The following ZNF385A variants were observed in gnomAD, a reference collection of about 807,000 sequenced individuals.
The protein encoded by ZNF385A is hematopoietic zinc finger protein.
Under a neutral mutation model 32.1 loss-of-function variants are expected in ZNF385A, and 14 were observed. The ratio of observed to expected loss-of-function variants is 0.44; its 90% CI spans 0.29 to 0.68. The LOEUF (loss-of-function observed/expected upper bound fraction) is 0.68, where lower values mean the gene tolerates loss of function less well. ZNF385A is among the 30% of genes least tolerant of loss of function. The pLI, the probability that ZNF385A is intolerant of heterozygous loss-of-function variation, is 0.14. For missense variants in ZNF385A, 406 were observed against 478.4 expected (o/e 0.85, Z 1.41); for synonymous variants, 197 against 202.7 (o/e 0.97, Z 0.24).
upstream of ZNF385A, among the ~76,000 whole-genome samples, chr12:54,387,576 G>A (rs566639927): frequency 2.6e-5 from 4 of 152,248 alleles, no homozygotes; most frequent in East Asian, 7.7e-4. Context: ...TCTCCCAGTA[G>A]GTGGTCCCAC....
At chr12:54,384,324 A>C in intron 1 of ZNF385A, 104 bp downstream of exon 1, 1 of 1,332,734 alleles carries the variant, frequency 7.5e-7, no homozygotes, top group East Asian at 2.8e-5. Context: ...TGGGGTCATA[A>C]GAGGAGATAA....
At chr12:54,382,581 T>C (rs1050901197) in intron 1 of ZNF385A, among the ~76,000 whole-genome samples, 4 of 152,210 alleles carry the variant, frequency 2.6e-5, no homozygotes, top group African/African-American at 9.7e-5. Flanking sequence ...GGAATAATAA[T>C]GTCTACCTTG....
upstream of ZNF385A, chr12:54,385,572 C>G: frequency 1.1e-6 from 1 of 931,960 alleles, no homozygotes; most frequent in Non-Finnish European, 1.3e-6. Flanking sequence ...AAAGGCAAAC[C>G]GAGGAGGCTG....
At chr12:54,388,401 C>G (rs1388487899), upstream of ZNF385A, among the ~76,000 whole-genome samples, 1 of 152,190 alleles carries the variant, frequency 6.6e-6, no homozygotes, top group Non-Finnish European at 1.5e-5. Context: ...TCCTTTCCCT[C>G]TTCCCTAGAA....
chr12:54,390,048 A>T (rs1212828936), intron 1 of ZNF385A, among the ~76,000 whole-genome samples: 2 of 152,044 alleles, frequency 1.3e-5, no homozygotes, highest in Admixed American at 1.3e-4. Flanking sequence ...GAAGGTAAGA[A>T]AGGAAGACAA....
At chr12:54,390,027 G>A (rs975750344) in intron 1 of ZNF385A, among the ~76,000 whole-genome samples, 8 of 152,134 alleles carry the variant, frequency 5.3e-5, no homozygotes, top group Admixed American at 1.3e-4. Flanking sequence ...GGGATAGGCG[G>A]TGAAATGAAA....
At position 54,370,779 on chromosome 12, in the gene ZNF385A, A is replaced by G; in HGVS notation, c.775-58T>C. 1 of 1,583,192 alleles carries G rather than the reference A, an allele frequency of 6.3e-7. No individual in the cohort carries two copies. Among genetic ancestry groups the G allele is most frequent in the South Asian group, 1.1e-5 (1 of 89,372 alleles). ...TCCCGGAAAGGGGCAACAGCGAGGGAGTATAATCAAGCTCCAAGCACCGGC... is the reference window on the plus strand; with the variant it reads ...TCCCGGAAAGGGGCAACAGCGAGGGGGTATAATCAAGCTCCAAGCACCGGC... On this transcript the variant is annotated intron_variant, in intron 5 of 6. Coordinates refer to ENST00000394313, the MANE Select transcript of ZNF385A (RefSeq NM_015481.3). This position sits in a 1 kb window ranked among gnomAD's most constrained non-coding sequence, Gnocchi z 5.5.
rs551038764 is a variant in ZNF385A at position 54,371,056 on chromosome 12, G to A, written c.645C>T (p.Leu215=). The change falls in exon 5 of 7, where the codon CTC becomes CTT. Residue 215 remains leucine (L), a synonymous_variant. Coordinates refer to ENST00000394313, the MANE Select transcript of ZNF385A (RefSeq NM_015481.3). ...GCCGAGGGTAAGCTTTGATGGGCCC[G>A]AGCCCACTTCGGGCCTCCAGAATTG... The part of the protein sequence containing the change: ...HKTILEARSG[L]GPIKAYPRLG... 5 of 1,613,428 alleles carry A rather than the reference G, an allele frequency of 3.1e-6. No individual in the cohort carries two copies. The Admixed American group carries it at 6.7e-5, about 22-fold the overall frequency.
At chr12:54,372,677 T>G (rs1331575194) in intron 3 of ZNF385A, among the ~76,000 whole-genome samples, 1 of 152,212 alleles carries the variant, frequency 6.6e-6, no homozygotes, top group Admixed American at 6.5e-5. Context: ...CCTCTTCCTC[T>G]CCATCTTACA....
At chr12:54,375,812 C>T (rs2137209024) in intron 2 of ZNF385A, 32 bp downstream of exon 2, 2 of 1,597,738 alleles carry the variant, frequency 1.3e-6, no homozygotes, top group East Asian at 2.2e-5. Flanking sequence ...CCTGCCCCAC[C>T]CACTGGGTAG....
At chr12:54,382,626 T>C (rs369509488) in intron 1 of ZNF385A, among the ~76,000 whole-genome samples, 4 of 152,218 alleles carry the variant, frequency 2.6e-5, no homozygotes, top group African/African-American at 9.6e-5. Context: ...AGATTGCAGA[T>C]AGAAACATCT....
exon 1 of ZNF385A, chr12:54,391,286 CG>C (rs1269580613): frequency 1.4e-5 from 14 of 973,826 alleles, no homozygotes; most frequent in Admixed American, 2.0e-4. Context: ...CGCTCTGTCC[CG>C]GGGGCCGTTC....
chr12:54,385,462 C>T (rs1006726180), upstream of ZNF385A, among the ~76,000 whole-genome samples: 17 of 152,300 alleles, frequency 1.1e-4, no homozygotes, highest in African/African-American at 4.1e-4. Context: ...TTCCACTGGC[C>T]CAGCTCCCTT....
upstream of ZNF385A, among the ~76,000 whole-genome samples, chr12:54,387,470 G>T (rs1955521603): frequency 6.6e-6 from 1 of 152,200 alleles, no homozygotes; most frequent in South Asian, 2.1e-4. Flanking sequence ...GTTTCAGGTA[G>T]CCCAGGCCTT....
In ZNF385A at chr12:54,371,472, C is replaced by A; in HGVS notation, c.604+1G>T. 1 of 1,605,758 alleles carries A rather than the reference C, an allele frequency of 6.2e-7. No individual in the cohort carries two copies. Among genetic ancestry groups the A allele is most frequent in the Non-Finnish European group, 8.5e-7 (1 of 1,177,624 alleles). On this transcript the variant is annotated splice_donor_variant, in intron 4 of 6. Transcript: ENST00000394313. LOFTEE classifies it high-confidence loss of function. Reference sequence around the variant, plus strand: ...CTGGGTGGGGGCAGGGGAGTCCATACCTTTGTTATGTGCCTCAAGCTGGGA... The same window carrying A: ...CTGGGTGGGGGCAGGGGAGTCCATAACTTTGTTATGTGCCTCAAGCTGGGA...
At chr12:54,391,150 G>T in intron 1 of ZNF385A, 1 of 1,403,410 alleles carries the variant, frequency 7.1e-7, no homozygotes. Context: ...TCACCGCGGT[G>T]CCGGGAGATG....
chr12:54,388,351 C>T (rs1296815419), upstream of ZNF385A, among the ~76,000 whole-genome samples: 1 of 152,230 alleles, frequency 6.6e-6, no homozygotes, highest in African/African-American at 2.4e-5. Flanking sequence ...TCAGCACTAA[C>T]CCTCAACCAG....
chr12:54,374,178 C>T, intron 2 of ZNF385A, 43 bp from the exon 3 acceptor site: 1 of 1,422,432 alleles, frequency 7.0e-7, no homozygotes, highest in Non-Finnish European at 9.3e-7. Context: ...GATCACCTTT[C>T]ATCTGACCGA....
In ZNF385A at chr12:54,370,562, C is replaced by T. The variant is rs77374845; in HGVS notation, c.870+64G>A. 6,168 of 1,552,804 alleles carry T rather than the reference C, an allele frequency of 4.0e-3. 216 individuals are homozygous for T. In the African/African-American group the frequency reaches 0.074, roughly 19 times the overall value. ...ACCCCACCTCTCCCTGGGCAAAGCC[C>T]GCGTCCCTCTCTCCTCCCCGCCCGC... On this transcript the variant is annotated intron_variant, in intron 6 of 6. Coordinates refer to ENST00000394313, the MANE Select transcript of ZNF385A (RefSeq NM_015481.3). This position sits in a 1 kb window ranked among gnomAD's most constrained non-coding sequence, Gnocchi z 5.5.
Sources: gnomAD v4.1 joint callset for allele counts (sites outside exome capture counted in the v4.1 genomes callset) on GRCh38, gnomAD v4.1.1 for gene constraint, Gnocchi (gnomAD v3.1) non-coding constraint, MANE v1.5 for transcripts, NCBI Gene and HGNC (gene_info 2026-07-23, HGNC 2026-07-21) for gene names.